The following FASTKD1 variants were observed in gnomAD, a reference collection of about 807,000 sequenced individuals.
FASTKD1 encodes FAST kinase domains 1.
Under a neutral mutation model 90.9 loss-of-function variants are expected in FASTKD1, and 94 were observed. That is an observed-to-expected ratio of 1.03 (90% CI 0.88 to 1.23). The LOEUF (loss-of-function observed/expected upper bound fraction) is 1.23. Ranked by LOEUF, FASTKD1 falls within the 50% of genes most tolerant of loss-of-function variation. The probability of loss-of-function intolerance (pLI) is 0.00; values close to 1 mark genes in which losing one functional copy is unlikely to be tolerated. For synonymous variants in FASTKD1, 319 were observed against 345.8 expected, an observed-to-expected ratio of 0.92 and a Z score of 0.86; for missense variants, 945 against 993.5, an observed-to-expected ratio of 0.95 and a Z score of 0.66.
intron 9 of FASTKD1, among the ~76,000 whole-genome samples, chr2:169,543,825 C>T (rs1685067146): frequency 6.7e-6 from 1 of 150,330 alleles, no homozygotes; most frequent in Non-Finnish European, 1.5e-5. Context: ...AAAAAAAAAC[C>T]AAGTCAATGC....
intron 9 of FASTKD1, among the ~76,000 whole-genome samples, chr2:169,544,454 C>T (rs1344502808): frequency 3.9e-5 from 6 of 152,000 alleles, no homozygotes; most frequent in Admixed American, 3.3e-4. Flanking sequence ...GCTTATAGTC[C>T]AAGCTACTGG....
At chr2:169,562,047 T>TTAATTATTCATTAATTTATTGTAAAA in intron 4 of FASTKD1, among the ~76,000 whole-genome samples, 1 of 132,820 alleles carries the variant, frequency 7.5e-6, no homozygotes, top group East Asian at 2.4e-4. Context: ...TTATTGTAAA[T>TTAATTATTCATTAATTTATTGTAAAA]TAATTATTTA....
intron 9 of FASTKD1, among the ~76,000 whole-genome samples, chr2:169,541,853 C>T (rs1183275689): frequency 1.3e-5 from 2 of 152,084 alleles, no homozygotes; most frequent in Non-Finnish European, 2.9e-5. Flanking sequence ...CCTACCAACT[C>T]GGTCTCCCTC....
intron 6 of FASTKD1, among the ~76,000 whole-genome samples, chr2:169,556,001 C>G (rs1185006065): frequency 6.7e-6 from 1 of 150,012 alleles, no homozygotes; most frequent in Non-Finnish European, 1.5e-5. Context: ...ATAGTAAGAC[C>G]CTATCTCTAC....
At chr2:169,538,443 G>A (rs1684821935) in intron 10 of FASTKD1, among the ~76,000 whole-genome samples, 3 of 151,810 alleles carry the variant, frequency 2.0e-5, no homozygotes, top group South Asian at 2.1e-4. Context: ...TTGGGAGGCT[G>A]AGGTGGGCGG....
intron 12 of FASTKD1, among the ~76,000 whole-genome samples, chr2:169,535,873 T>C (rs1559138828): frequency 6.6e-6 from 1 of 152,250 alleles, no homozygotes; most frequent in Non-Finnish European, 1.5e-5. Context: ...ATCTTTGAGA[T>C]AGAGATATCT....
Position 169,557,216 on chromosome 2 carries a change from CAT to C in FASTKD1, c.1051_1052del (p.Met351GlyfsTer9), listed in dbSNP as rs1295022873. ...TAATCAGACATGAGTTTCTGCTTTCCATATCTCCCATTGCTCCCAACACTGCC... is the reference window on the plus strand; with the variant it reads ...TAATCAGACATGAGTTTCTGCTTTCCATCTCCCATTGCTCCCAACACTGCC... ...ALAVLGAMGD[M>X]ESRNSCLIKR... On this transcript the variant is annotated frameshift_variant, in exon 6 of 15. Coordinates refer to ENST00000453153, the MANE Select transcript of FASTKD1 (RefSeq NM_024622.6). LOFTEE classifies it high-confidence loss of function. 6.2e-7 allele frequency: 1 copy of C among 1,611,626 alleles called. No individual in the cohort carries two copies. The highest frequency in any genetic ancestry group is 1.7e-5 in the Admixed American group (1 of 59,852).
rs1469885491 is a variant in FASTKD1 at position 169,546,432 on chromosome 2, C to A, written c.1487G>T (p.Ser496Ile). The change falls in exon 8 of 15, where the codon AGT becomes ATT. Residue 496 changes from serine (S) to isoleucine (I), a missense_variant. Physicochemically the swap from Ser to Ile is moderately radical, Grantham distance 142 (BLOSUM62 -2). Transcript: ENST00000453153. ...YGRQRLQHSN[S>I]LDLLRKELKS... ...AAGTTCCTTCCGTAACAGATCCAAA[C>A]TGTTGCTGTGTTGTAGTCTCTGACG... The A allele has an allele frequency of 6.2e-7, 1 of 1,614,062 alleles. No homozygotes were observed. The highest frequency in any genetic ancestry group is 1.3e-5 in the African/African-American group (1 of 74,932).
intron 7 of FASTKD1, among the ~76,000 whole-genome samples, chr2:169,553,270 G>T (rs1173736811): frequency 1.3e-4 from 1 of 7,506 alleles, no homozygotes; most frequent in African/African-American, 3.5e-4. Context: ...TTAAAAGCAT[G>T]CAAAAAAAAA....
chr2:169,530,821 G>C lies in FASTKD1; in HGVS notation c.2328-120C>G, dbSNP rs890903531. On this transcript the variant is annotated intron_variant, in intron 13 of 14. Transcript: ENST00000453153. Reference sequence around the variant, plus strand: ...AACAAAAGCCAATGAATATAAATGAGTATATCAAGTTATGTTTCTACTAAG... The same window carrying C: ...AACAAAAGCCAATGAATATAAATGACTATATCAAGTTATGTTTCTACTAAG... 6.9e-5 allele frequency: 45 copies of C among 649,534 alleles called. 1 individual carries two copies. The Admixed American group carries it at 1.0e-3, about 14-fold the overall frequency. The allele number at this position is 649,534 out of a possible 1,614,324, so 40.2% of individuals were successfully genotyped here. A position where few individuals can be genotyped will look rare whatever the true frequency, so the allele number is the denominator to read the frequency against.
At position 169,560,886 on chromosome 2, in the gene FASTKD1, T is replaced by C; in HGVS notation, c.573-101A>G. 3.0e-6 allele frequency: 3 copies of C among 991,448 alleles called. No homozygotes were observed. In the South Asian group the frequency reaches 6.3e-5, roughly 21 times the overall value. The allele number at this position is 991,448 out of a possible 1,614,324, so 61.4% of individuals were successfully genotyped here. ...TTTGTAGAAACAGAGTCTTGCTATG[T>C]TGCCAGGGCTGGTCTCAAACTCCTG... On this transcript the variant is annotated intron_variant, in intron 4 of 14. Coordinates refer to ENST00000453153, the MANE Select transcript of FASTKD1 (RefSeq NM_024622.6).
intron 7 of FASTKD1, among the ~76,000 whole-genome samples, chr2:169,548,953 C>T (rs1323678803): frequency 2.0e-5 from 3 of 151,614 alleles, no homozygotes; most frequent in Non-Finnish European, 2.9e-5. Flanking sequence ...AAGAGTTAGC[C>T]GGGCATGGTG....
chr2:169,559,431 T>C (rs1439204087), intron 5 of FASTKD1, among the ~76,000 whole-genome samples: 3 of 152,176 alleles, frequency 2.0e-5, no homozygotes, highest in Admixed American at 6.5e-5. Flanking sequence ...CTTATTTTTT[T>C]CTTTTATTTT....
chr2:169,553,136 C>T (rs554395388), intron 7 of FASTKD1, among the ~76,000 whole-genome samples: 15 of 151,530 alleles, frequency 9.9e-5, no homozygotes, highest in East Asian at 1.9e-4. Flanking sequence ...ACCTGGGAGG[C>T]GGAGGTTGCA....
At chr2:169,557,333 A>C in intron 5 of FASTKD1, 36 bp from the exon 6 acceptor site, 1 of 1,236,094 alleles carries the variant, frequency 8.1e-7, no homozygotes, top group Non-Finnish European at 1.1e-6. Flanking sequence ...TGGTTGAAAG[A>C]CTGAAAATTA....
intron 12 of FASTKD1, among the ~76,000 whole-genome samples, chr2:169,534,463 C>T (rs72885874): frequency 0.29 from 31,015 of 107,998 alleles, 3,347 homozygotes; most frequent in East Asian, 0.4. Context: ...TTTTTTTTTT[C>T]TTTTTTTTTT....
rs540022512 is a variant in FASTKD1 at position 169,531,743 on chromosome 2, G to A, written c.2189-253C>T. 86 of 354,854 alleles carry A rather than the reference G, an allele frequency of 2.4e-4. No individual in the cohort carries two copies. In the Middle Eastern group the frequency reaches 4.1e-3, roughly 17 times the overall value. 22.0% of individuals were successfully genotyped at this position (354,854 alleles called of 1,614,324 possible). ...TATTAAGTACTAGGCTACATTTAGC[G>A]CTGGGCTAGGCCAAATCACATTAAA... On this transcript the variant is annotated intron_variant, in intron 12 of 14. Transcript: ENST00000453153.
In FASTKD1 at chr2:169,530,712, TA is replaced by T; in HGVS notation, c.2328-12del. ...AATTCCAAAGCAATCCTACATAAAA[TA>T]AAAAAATATTTACTCCTAAAATCAG... On this transcript the variant is annotated splice_polypyrimidine_tract_variant and intron_variant, in intron 13 of 14. Coordinates refer to ENST00000453153, the MANE Select transcript of FASTKD1 (RefSeq NM_024622.6). 2 of 1,386,996 alleles carry T rather than the reference TA, an allele frequency of 1.4e-6. No homozygotes were observed. Among genetic ancestry groups the T allele is most frequent in the East Asian group, 2.3e-5 (1 of 43,562 alleles). 85.9% of individuals were successfully genotyped at this position (1,386,996 alleles called of 1,614,324 possible). A position where few individuals can be genotyped will look rare whatever the true frequency, so the allele number is the denominator to read the frequency against.
At chr2:169,530,925 G>T in intron 13 of FASTKD1, 1 of 692,588 alleles carries the variant, frequency 1.4e-6, no homozygotes, top group South Asian at 1.4e-5. Flanking sequence ...CATTTTTTTG[G>T]TCCAATATAT....
Sources: allele counts gnomAD v4.1 joint callset (sites outside exome capture counted in the v4.1 genomes callset), GRCh38; gene constraint gnomAD v4.1.1; transcripts MANE v1.5; gene names NCBI Gene and HGNC (gene_info 2026-07-23, HGNC 2026-07-21).